Variants in HDAC9 observed in about 807,000 individuals in gnomAD.
The protein encoded by HDAC9 is MEF-2 interacting transcription repressor (MITR) protein.
HDAC9 carries 41 observed loss-of-function variants against 139.4 expected under a neutral mutation model. The ratio of observed to expected loss-of-function variants is 0.29; its 90% CI spans 0.23 to 0.38. The LOEUF is 0.38. Ranked by LOEUF, HDAC9 falls within the 10% of genes least tolerant of loss-of-function variation. The pLI is 1.00. For missense variants in HDAC9, 1,147 were observed against 1,297.0 expected (o/e 0.88, Z 1.78); for synonymous variants, 517 against 476.2 (o/e 1.09, Z -1.12).
intron 25 of HDAC9, among the ~76,000 whole-genome samples, chr7:18,977,310 G>C (rs12533489): frequency 0.16 from 24,410 of 152,110 alleles, 2,150 homozygotes; most frequent in East Asian, 0.3. Flanking sequence ...TGTCATCTGA[G>C]AGCCATAAAA....
chr7:18,566,779 T>C (rs541571279), intron 2 of HDAC9, among the ~76,000 whole-genome samples: 5 of 152,362 alleles, frequency 3.3e-5, no homozygotes, highest in African/African-American at 1.2e-4. Flanking sequence ...ACTTGTTCTT[T>C]AAAACAACTG....
chr7:18,097,270 G>A (rs1285229144), intron 1 of HDAC9, among the ~76,000 whole-genome samples: 2 of 152,078 alleles, frequency 1.3e-5, no homozygotes, highest in Non-Finnish European at 2.9e-5. Flanking sequence ...TGTATTGGAT[G>A]GATGAAGTGA....
chr7:18,724,400 G>C (rs1056558756), intron 12 of HDAC9, among the ~76,000 whole-genome samples: 1 of 152,086 alleles, frequency 6.6e-6, no homozygotes, highest in Non-Finnish European at 1.5e-5. Flanking sequence ...TATAAACATA[G>C]AAAAGGTACA....
intron 5 of HDAC9, among the ~76,000 whole-genome samples, chr7:18,592,352 G>T (rs1234020541): frequency 6.6e-6 from 1 of 152,004 alleles, no homozygotes; most frequent in Non-Finnish European, 1.5e-5. Context: ...CTGTATTTCT[G>T]TAAGTCCAAT....
At chr7:18,200,239 G>A (rs1442268692) in intron 2 of HDAC9, among the ~76,000 whole-genome samples, 2 of 152,160 alleles carry the variant, frequency 1.3e-5, no homozygotes, top group African/African-American at 4.8e-5. Context: ...GAATTTCCAG[G>A]AAGAATTAAA....
At chr7:18,269,774 A>G (rs571450659) in intron 2 of HDAC9, among the ~76,000 whole-genome samples, 5 of 152,162 alleles carry the variant, frequency 3.3e-5, no homozygotes, top group Non-Finnish European at 7.4e-5. Context: ...ATATATACAC[A>G]CACATATATA....
At chr7:18,810,633 T>C (rs1392084485) in intron 17 of HDAC9, among the ~76,000 whole-genome samples, 1 of 151,896 alleles carries the variant, frequency 6.6e-6, no homozygotes, top group Admixed American at 6.6e-5. Context: ...CCACAAATTA[T>C]AAAATATTTA....
chr7:18,187,804 C>T (rs1016716057), intron 2 of HDAC9, among the ~76,000 whole-genome samples: 3 of 152,126 alleles, frequency 2.0e-5, no homozygotes, highest in Non-Finnish European at 2.9e-5. Context: ...TCAGTAATCA[C>T]AAGGCATTCC....
chr7:18,611,467 A>C (rs1230390379), intron 6 of HDAC9, among the ~76,000 whole-genome samples: 1 of 152,124 alleles, frequency 6.6e-6, no homozygotes, highest in East Asian at 1.9e-4. Flanking sequence ...CAATAATCCT[A>C]GAAATAGATT....
rs146764054 is a variant in HDAC9 at position 18,571,634 on chromosome 7, T to A, written c.23-13647T>A. On this transcript the variant is annotated intron_variant, in intron 2 of 25. Coordinates refer to ENST00000686413, the MANE Select transcript of HDAC9 (RefSeq NM_178425.4). The stretch of plus-strand genomic sequence containing the variant: ...TTATTTTATTTTTTATTTTTTATTT[T>A]TTTTTTTGGTAATAAAGATTTACTC... Among the ~76,000 whole-genome samples, 39 of 152,104 alleles carry A rather than the reference T, an allele frequency of 2.6e-4. 2 individuals are homozygous for A. The highest frequency in any genetic ancestry group is 2.0e-3 in the Admixed American group (31 of 15,292).
intron 1 of HDAC9, among the ~76,000 whole-genome samples, chr7:18,408,435 C>G (rs975588346): frequency 4.6e-5 from 7 of 152,194 alleles, no homozygotes; most frequent in South Asian, 4.1e-4. Flanking sequence ...AATAATTCTA[C>G]TAGCTTTCTG....
chr7:18,511,985 A>G (rs1801662302), intron 2 of HDAC9, among the ~76,000 whole-genome samples: 1 of 150,534 alleles, frequency 6.6e-6, no homozygotes, highest in African/African-American at 2.4e-5. Context: ...AAAGTCTATC[A>G]GTGAATGTTG....
At chr7:18,472,101 T>C (rs1379126290) in intron 1 of HDAC9, among the ~76,000 whole-genome samples, 1 of 152,176 alleles carries the variant, frequency 6.6e-6, no homozygotes, top group African/African-American at 2.4e-5. Context: ...AAGATTTGAT[T>C]TGGAGCCTTG....
intron 2 of HDAC9, among the ~76,000 whole-genome samples, chr7:18,526,471 T>C (rs1325921301): frequency 2.0e-5 from 3 of 152,208 alleles, no homozygotes; most frequent in Non-Finnish European, 4.4e-5. Context: ...TACCTACATC[T>C]GAAGATCCAG....
intron 2 of HDAC9, among the ~76,000 whole-genome samples, chr7:18,573,139 AT>A (rs965035330): frequency 2.0e-5 from 3 of 152,100 alleles, no homozygotes; most frequent in Non-Finnish European, 4.4e-5. Context: ...TGCTTTTTGC[AT>A]TTTTTTCCTT....
chr7:18,691,216 A>C (rs1350660524), intron 12 of HDAC9, among the ~76,000 whole-genome samples: 1 of 151,994 alleles, frequency 6.6e-6, no homozygotes, highest in Non-Finnish European at 1.5e-5. Context: ...CAATTTGTGC[A>C]CTCAAGTTTA....
chr7:18,205,428 C>T (rs887090898), intron 2 of HDAC9, among the ~76,000 whole-genome samples: 1 of 151,916 alleles, frequency 6.6e-6, no homozygotes, highest in Non-Finnish European at 1.5e-5. Flanking sequence ...TAAAATTATA[C>T]GGTTTCCCCA....
chr7:18,438,086 T>C (rs539174348), intron 1 of HDAC9, among the ~76,000 whole-genome samples: 1 of 150,258 alleles, frequency 6.7e-6, no homozygotes, highest in South Asian at 2.1e-4. Flanking sequence ...ATATATATAA[T>C]AAATTTATTA....
At chr7:18,651,987 T>A (rs1789428171) in intron 11 of HDAC9, among the ~76,000 whole-genome samples, 1 of 152,156 alleles carries the variant, frequency 6.6e-6, no homozygotes, top group Admixed American at 6.6e-5. Flanking sequence ...AATATTCTAT[T>A]TTTCACTGAA....
Sources: allele counts gnomAD v4.1 joint callset (sites outside exome capture counted in the v4.1 genomes callset), GRCh38; gene constraint gnomAD v4.1.1; transcripts MANE v1.5; gene names NCBI Gene and HGNC (gene_info 2026-07-23, HGNC 2026-07-21).